The following ADGRV1 variants were observed in gnomAD, a reference collection of about 807,000 sequenced individuals.
The protein encoded by ADGRV1 is G-protein coupled receptor 98.
Under a neutral mutation model 596.2 loss-of-function variants are expected in ADGRV1, and 359 were observed. That is an observed-to-expected ratio of 0.60 (90% CI 0.55 to 0.66). The LOEUF (loss-of-function observed/expected upper bound fraction) is 0.66, where lower values mean the gene tolerates loss of function less well. ADGRV1 is among the 30% of genes least tolerant of loss of function. The probability of loss-of-function intolerance (pLI) is 0.00; values close to 1 mark genes in which losing one functional copy is unlikely to be tolerated. For synonymous variants in ADGRV1, 2,681 were observed against 2,679.2 expected (o/e 1.00, Z -0.02); for missense variants, 7,274 against 7,575.6 (o/e 0.96, Z 1.48).
chr5:91,060,368 A>ATGTGTGTGTGTG (rs1481100763), intron 85 of ADGRV1, among the ~76,000 whole-genome samples: 88 of 77,472 alleles, frequency 1.1e-3, no homozygotes, highest in African/African-American at 3.0e-3. Flanking sequence ...GCAATTTTAT[A>ATGTGTGTGTGTG]TGTGTGTGTG....
At position 90,855,644 on chromosome 5, in the gene ADGRV1, A is replaced by C. The variant is rs1766952933; in HGVS notation, c.17595-97A>C. On this transcript the variant is annotated intron_variant, in intron 81 of 89. Coordinates refer to ENST00000405460, the MANE Select transcript of ADGRV1 (RefSeq NM_032119.4). ...TGGTCTACTTAAGTCTTGAGCAAAGAACACTTAATTTCAGTAAGCTATTTT... is the reference window on the plus strand; with the variant it reads ...TGGTCTACTTAAGTCTTGAGCAAAGCACACTTAATTTCAGTAAGCTATTTT... 13 of 795,880 alleles carry C rather than the reference A, an allele frequency of 1.6e-5. No homozygotes were observed. The East Asian group carries it at 3.1e-4, about 19-fold the overall frequency. The allele number at this position is 795,880 out of a possible 1,614,324, so 49.3% of individuals were successfully genotyped here. A position where few individuals can be genotyped will look rare whatever the true frequency, so the allele number is the denominator to read the frequency against.
chr5:91,102,238 T>G lies in ADGRV1; in HGVS notation c.18330T>G (p.Tyr6110Ter). 2 of 1,609,336 alleles carry G rather than the reference T, an allele frequency of 1.2e-6. No homozygotes were observed. The highest frequency in any genetic ancestry group is 1.7e-6 in the Non-Finnish European group (2 of 1,177,376). ...TTCTAGAAATTCCACTGATTTTATA[T>G]CTCTTTGCTCTGATTTCCGTGACAT... ...TNAAEIPLILYLFALISVTWL... is the reference protein window; with the variant it reads ...TNAAEIPLIL Residue 6110 changes from tyrosine to a stop codon, truncating the protein, a stop_gained, in exon 87 of 90, where the codon TAT becomes TAG. Transcript: ENST00000405460. LOFTEE classifies it high-confidence loss of function.
chr5:90,633,967 C>T (rs1431278661), intron 9 of ADGRV1, among the ~76,000 whole-genome samples: 2 of 152,070 alleles, frequency 1.3e-5, no homozygotes, highest in Non-Finnish European at 2.9e-5. Context: ...GTCCTGTCCA[C>T]GTGTGGAAAA....
intron 83 of ADGRV1, among the ~76,000 whole-genome samples, chr5:90,934,251 G>C (rs984742857): frequency 1.3e-5 from 2 of 152,108 alleles, no homozygotes; most frequent in Non-Finnish European, 2.9e-5. Context: ...CCAGGCCTTT[G>C]ATCTCTTCCT....
chr5:90,953,972 T>G (rs1425510587), intron 83 of ADGRV1, among the ~76,000 whole-genome samples: 2 of 152,046 alleles, frequency 1.3e-5, no homozygotes, highest in Non-Finnish European at 2.9e-5. Context: ...CTATACTCCT[T>G]TATTTTAACT....
chr5:90,973,345 C>T (rs1255095578), intron 84 of ADGRV1, among the ~76,000 whole-genome samples: 2 of 152,204 alleles, frequency 1.3e-5, no homozygotes, highest in African/African-American at 4.8e-5. Flanking sequence ...CTCCCTAACT[C>T]ATTTTATGAG....
rs1275939062 is a variant in ADGRV1 at position 91,035,856 on chromosome 5, ATATAT to A, written c.18153-36585_18153-36581del. ...AATAAATGAGTGTGTATATATATAT[ATATAT>A]TATATATATATATATATATATCTTA... On this transcript the variant is annotated intron_variant, in intron 85 of 89. Transcript: ENST00000405460. Among the ~76,000 whole-genome samples the A allele has an allele frequency of 1.1e-4, 9 of 85,542 alleles. 1 individual carries two copies. The highest frequency in any genetic ancestry group is 1.8e-4 in the Non-Finnish European group (7 of 39,754). 56.1% of individuals were successfully genotyped at this position (85,542 alleles called of 152,430 possible).
rs555967689 is a variant in ADGRV1 at position 90,940,761 on chromosome 5, CAG to C, written c.17857-24650_17857-24649del. Among the ~76,000 whole-genome samples, 640 of 152,116 alleles carry C rather than the reference CAG, an allele frequency of 4.2e-3. 4 individuals are homozygous for C. Among genetic ancestry groups the C allele is most frequent in the African/African-American group, 0.015 (603 of 41,476 alleles). The stretch of plus-strand genomic sequence containing the variant: ...GAACCGGCACTAGTTAGTAGTGACA[CAG>C]AGAAAAGAGGTGGGACCAGCACAGG... On this transcript the variant is annotated intron_variant, in intron 83 of 89. Transcript: ENST00000405460.
intron 25 of ADGRV1, 132 bp from the exon 26 acceptor site, chr5:90,679,417 A>G (rs1481818478): frequency 1.1e-5 from 6 of 552,882 alleles, no homozygotes; most frequent in Non-Finnish European, 2.0e-5. Context: ...TCCATTTCTT[A>G]TGGAAGAATG....
intron 77 of ADGRV1, among the ~76,000 whole-genome samples, chr5:90,838,405 G>A (rs989043631): frequency 2.0e-5 from 3 of 151,578 alleles, no homozygotes; most frequent in Non-Finnish European, 4.4e-5. Context: ...GTAAATGTTG[G>A]GATCCACCAA....
chr5:90,996,688 A>G (rs1167117101), intron 85 of ADGRV1, among the ~76,000 whole-genome samples: 7 of 152,290 alleles, frequency 4.6e-5, no homozygotes, highest in Admixed American at 4.6e-4. Context: ...GACAGTTTGC[A>G]CCATGTGCCT....
chr5:91,153,251 C>T lies in ADGRV1; in HGVS notation c.18655C>T (p.Gln6219Ter). Residue 6219 changes from glutamine (Q) to a stop codon, truncating the protein, a stop_gained, in exon 89 of 90, where the codon CAA becomes TAA. Transcript: ENST00000405460. LOFTEE classifies it high-confidence loss of function. Reference protein sequence around the residue: ...VPPDWERASFQQGSQASPDLK... With the variant: ...VPPDWERASF ...ACCTGACTGGGAGAGAGCATCCTTC[C>T]AACAGGGCAGTCAGGCCAGCCCTGA... is the stretch of plus-strand genomic sequence containing the variant. 1 of 1,608,546 alleles carries T rather than the reference C, an allele frequency of 6.2e-7. No homozygotes were observed. The highest frequency in any genetic ancestry group is 8.5e-7 in the Non-Finnish European group (1 of 1,177,488).
At chr5:90,896,595 A>T (rs190347104) in intron 83 of ADGRV1, among the ~76,000 whole-genome samples, 251 of 152,162 alleles carry the variant, frequency 1.6e-3, no homozygotes, top group African/African-American at 5.8e-3. Flanking sequence ...GTATTATGTA[A>T]GAATTGAAGT....
chr5:90,657,803 A>C, intron 20 of ADGRV1, 102 bp from the exon 21 acceptor site: 1 of 1,276,042 alleles, frequency 7.8e-7, no homozygotes, highest in Non-Finnish European at 1.1e-6. Flanking sequence ...ATTTATCCAA[A>C]AATATCTTTC....
At chr5:90,587,193 G>A (rs1243391692) in intron 1 of ADGRV1, among the ~76,000 whole-genome samples, 1 of 152,096 alleles carries the variant, frequency 6.6e-6, no homozygotes, top group Non-Finnish European at 1.5e-5. Context: ...TTTAGCCAAT[G>A]GGAACGCTTT....
rs769734785 is a variant in ADGRV1, at chr5:90,683,777, C to A, written c.5856C>A (p.Leu1952=). 6.2e-7 allele frequency: 1 copy of A among 1,613,720 alleles called. No individual in the cohort carries two copies. Among genetic ancestry groups the A allele is most frequent in the African/African-American group, 1.3e-5 (1 of 74,910 alleles). The change falls in exon 28 of 90, where the codon CTC becomes CTA. Residue 1952 remains leucine, a synonymous_variant. Coordinates refer to ENST00000405460, the MANE Select transcript of ADGRV1 (RefSeq NM_032119.4). The part of the protein sequence containing the change: ...ELDKAFSVSV[L]SVSSGSLGAH... ...ATAAGGCATTCTCTGTGTCAGTCCT[C>A]AGTGTTTCCAGTGGTTCTTTGGGAG... is the stretch of plus-strand genomic sequence containing the variant.
chr5:91,086,520 T>C (rs1253113571), intron 86 of ADGRV1, among the ~76,000 whole-genome samples: 1 of 152,214 alleles, frequency 6.6e-6, no homozygotes, highest in Non-Finnish European at 1.5e-5. Context: ...TAACTGATCA[T>C]CAGAATTGCT....
intron 1 of ADGRV1, among the ~76,000 whole-genome samples, chr5:90,603,237 TAC>T (rs753257593): frequency 2.6e-5 from 4 of 152,230 alleles, no homozygotes; most frequent in Non-Finnish European, 5.9e-5. Context: ...TTCTTTCACA[TAC>T]AGTGTTGTAA....
chr5:90,930,468 G>A (rs1409567937), intron 83 of ADGRV1, among the ~76,000 whole-genome samples: 1 of 152,096 alleles, frequency 6.6e-6, no homozygotes, highest in African/African-American at 2.4e-5. Context: ...TTATTGCCTG[G>A]GTGGTTTTGT....
Sources: gnomAD v4.1 joint callset for allele counts (sites outside exome capture counted in the v4.1 genomes callset) on GRCh38, gnomAD v4.1.1 for gene constraint, MANE v1.5 for transcripts, NCBI Gene and HGNC (gene_info 2026-07-23, HGNC 2026-07-21) for gene names.